The following MSI2 variants were observed in gnomAD, a reference collection of about 807,000 sequenced individuals.
The protein encoded by MSI2 is musashi RNA binding protein 2, also known as RNA-binding protein Musashi homolog 2.
A neutral mutation model predicts 45.6 loss-of-function variants in MSI2; 17 were observed. The ratio of observed to expected loss-of-function variants is 0.37; its 90% CI spans 0.26 to 0.56. The LOEUF (loss-of-function observed/expected upper bound fraction) is 0.56, where lower values mean the gene tolerates loss of function less well. Among genes scored for constraint, MSI2 ranks in the 20% least tolerant of loss-of-function variants. The pLI is 0.77. For synonymous variants in MSI2, 156 were observed against 158.2 expected, an observed-to-expected ratio of 0.99 and a Z score of 0.11; for missense variants, 293 against 444.2, an observed-to-expected ratio of 0.66 and a Z score of 3.06.
chr17:57,566,080 G>A (rs928903579), intron 7 of MSI2: 1 of 152,178 alleles, frequency 6.6e-6, no homozygotes, highest in African/African-American at 2.4e-5. Context: ...TGCAGATAGG[G>A]TTCGAGGTAG....
At chr17:57,302,408 G>A (rs12450328) in intron 5 of MSI2, among the ~76,000 whole-genome samples, 4,220 of 152,186 alleles carry the variant, frequency 0.028, 85 homozygotes, top group Non-Finnish European at 0.041. Context: ...CGGTGTGCCC[G>A]GCCTAGTTAT....
intron 6 of MSI2, chr17:57,450,259 G>GAAAGAAAGAAAGAAAGAAAGAAAGA (rs2084976359): frequency 1.7e-4 from 2 of 11,500 alleles, no homozygotes; most frequent in East Asian, 2.3e-3. Context: ...CCAGCTTAAA[G>GAAAGAAAGAAAGAAAGAAAGAAAGA]AAAGAAAGAA....
chr17:57,564,503 A>G (rs1417060764), intron 7 of MSI2, among the ~76,000 whole-genome samples: 1 of 152,152 alleles, frequency 6.6e-6, no homozygotes, highest in Admixed American at 6.6e-5. Flanking sequence ...TGGGGTGATG[A>G]TGATGGTGAG....
At chr17:57,642,844 G>A (rs1301985983) in intron 10 of MSI2, among the ~76,000 whole-genome samples, 2 of 152,190 alleles carry the variant, frequency 1.3e-5, no homozygotes, top group Admixed American at 6.5e-5. Flanking sequence ...CTGCATGCAG[G>A]TACTGAATGC....
chr17:57,558,530 G>A (rs925456187), intron 7 of MSI2, among the ~76,000 whole-genome samples: 9 of 152,088 alleles, frequency 5.9e-5, no homozygotes, highest in South Asian at 4.2e-4. Flanking sequence ...CTGAACTGCC[G>A]CTCACCGTGT....
Position 57,338,494 on chromosome 17 carries a change from C to T in MSI2, c.313-62885C>T, listed in dbSNP as rs1025406228. Among the ~76,000 whole-genome samples, 16 of 152,210 alleles carry T rather than the reference C, an allele frequency of 1.1e-4. No individual in the cohort carries two copies. The East Asian group carries it at 2.1e-3, about 20-fold the overall frequency. Reference sequence around the variant, plus strand: ...TCTCTGCCTGAGACCATAATCTCTGCGGTCTCTGTCCATGAGACCATAAAT... The same window carrying T: ...TCTCTGCCTGAGACCATAATCTCTGTGGTCTCTGTCCATGAGACCATAAAT... On this transcript the variant is annotated intron_variant, in intron 5 of 13. Coordinates refer to ENST00000284073, the MANE Select transcript of MSI2 (RefSeq NM_138962.4).
intron 5 of MSI2, among the ~76,000 whole-genome samples, chr17:57,370,269 T>C (rs2083401119): frequency 6.6e-6 from 1 of 152,320 alleles, no homozygotes; most frequent in South Asian, 2.1e-4. Flanking sequence ...AATCGAAATA[T>C]CTTAAACATT....
At chr17:57,491,707 G>A (rs1375838522) in intron 6 of MSI2, among the ~76,000 whole-genome samples, 4 of 152,214 alleles carry the variant, frequency 2.6e-5, no homozygotes, top group Admixed American at 6.5e-5. Context: ...GAATCATTGC[G>A]CCTTCCTGCA....
intron 7 of MSI2, among the ~76,000 whole-genome samples, chr17:57,585,472 C>G (rs1490750626): frequency 6.6e-6 from 1 of 152,180 alleles, no homozygotes; most frequent in Non-Finnish European, 1.5e-5. Flanking sequence ...GTTGAATAAC[C>G]TGCTCAGAGT....
intron 10 of MSI2, among the ~76,000 whole-genome samples, chr17:57,647,274 C>CA (rs33915774): frequency 0.048 from 1,802 of 37,674 alleles, 81 homozygotes; most frequent in Non-Finnish European, 0.067. Context: ...ACTAAAAATA[C>CA]AAAAAAAAAA....
At chr17:57,408,439 A>C (rs1280308465) in intron 6 of MSI2, among the ~76,000 whole-genome samples, 4 of 152,244 alleles carry the variant, frequency 2.6e-5, no homozygotes, top group Non-Finnish European at 4.4e-5. Flanking sequence ...AACAAGGCCG[A>C]ATAGAAGAAC....
chr17:57,645,239 C>T (rs972356165), intron 10 of MSI2, among the ~76,000 whole-genome samples: 1 of 152,144 alleles, frequency 6.6e-6, no homozygotes, highest in Non-Finnish European at 1.5e-5. Context: ...TGGACTGAGA[C>T]CACTGCACCA....
intron 10 of MSI2, among the ~76,000 whole-genome samples, chr17:57,649,547 C>G (rs1169064162): frequency 6.6e-6 from 1 of 152,022 alleles, no homozygotes; most frequent in Non-Finnish European, 1.5e-5. Context: ...TTAACACATA[C>G]CCAACACACA....
At chr17:57,686,587 C>T (rs1030890243), downstream of MSI2, among the ~76,000 whole-genome samples, 1 of 152,012 alleles carries the variant, frequency 6.6e-6, no homozygotes, top group Non-Finnish European at 1.5e-5. Context: ...TAGGCAAATA[C>T]AAAGAACAAG....
At chr17:57,508,652 G>C (rs1209976373) in intron 6 of MSI2, among the ~76,000 whole-genome samples, 1 of 152,204 alleles carries the variant, frequency 6.6e-6, no homozygotes, top group African/African-American at 2.4e-5. Context: ...AGAAAGTGAT[G>C]TTTTGGTTCA....
chr17:57,332,706 C>T (rs1002785250), intron 5 of MSI2, among the ~76,000 whole-genome samples: 3 of 152,128 alleles, frequency 2.0e-5, no homozygotes, highest in Admixed American at 6.5e-5. Flanking sequence ...AGAAAGAGAG[C>T]GAGGCTGATT....
At position 57,271,744 on chromosome 17, in the gene MSI2, C is replaced by CTTT. The variant is rs60803369; in HGVS notation, c.312+9573_312+9575dup. Among the ~76,000 whole-genome samples, 122 of 107,592 alleles carry CTTT rather than the reference C, an allele frequency of 1.1e-3. 1 individual carries two copies. The highest frequency in any genetic ancestry group is 0.012 in the Middle Eastern group (2 of 166). 70.6% of individuals were successfully genotyped at this position (107,592 alleles called of 152,430 possible). ...TGCAAAATAGACGGGCCACTGCAAT[C>CTTT]TTTTTTTTTTTTTTTTTTTTTTTAA... On this transcript the variant is annotated intron_variant, in intron 5 of 13. Transcript: ENST00000284073.
downstream of MSI2, among the ~76,000 whole-genome samples, chr17:57,688,113 A>C (rs11079324): frequency 6.6e-6 from 1 of 152,032 alleles, no homozygotes; most frequent in South Asian, 2.1e-4. Context: ...TGTGAAACAC[A>C]AAACCTGTTT....
At chr17:57,661,135 T>C (rs1911960257) in intron 11 of MSI2, among the ~76,000 whole-genome samples, 1 of 152,182 alleles carries the variant, frequency 6.6e-6, no homozygotes, top group Non-Finnish European at 1.5e-5. Context: ...GACGATTAAC[T>C]CTGGACTCAA....
Sources: gnomAD v4.1 joint callset for allele counts (sites outside exome capture counted in the v4.1 genomes callset) on GRCh38, gnomAD v4.1.1 for gene constraint, MANE v1.5 for transcripts, NCBI Gene and HGNC (gene_info 2026-07-23, HGNC 2026-07-21) for gene names.